The following APBB2 variants were observed in gnomAD, a reference collection of about 807,000 sequenced individuals.
APBB2 encodes Fe65-like 1.
Under a neutral mutation model 82.5 loss-of-function variants are expected in APBB2, and 38 were observed. The observed-to-expected ratio is 0.46, with a 90% confidence interval of 0.36 to 0.60. The LOEUF (loss-of-function observed/expected upper bound fraction) is 0.60, where lower values mean the gene tolerates loss of function less well. Among genes scored for constraint, APBB2 ranks in the 20% least tolerant of loss-of-function variants. The pLI is 0.00. For synonymous variants in APBB2, 341 were observed against 368.2 expected (o/e 0.93, Z 0.85); for missense variants, 772 against 972.3 (o/e 0.79, Z 2.74).
intron 10 of APBB2, among the ~76,000 whole-genome samples, chr4:40,905,678 G>T (rs902397444): frequency 1.3e-5 from 2 of 152,210 alleles, no homozygotes; most frequent in African/African-American, 4.8e-5. Flanking sequence ...AACCACTGAT[G>T]TGCTGGAGAG....
At chr4:41,171,967 G>A (rs1768397761) in intron 1 of APBB2, among the ~76,000 whole-genome samples, 1 of 152,212 alleles carries the variant, frequency 6.6e-6, no homozygotes, top group Non-Finnish European at 1.5e-5. Context: ...GGGCATGGTG[G>A]CAGAAGCCTG....
rs762343581 is a variant in APBB2 at position 41,079,842 on chromosome 4, C to T, written c.-148-14169G>A. On this transcript the variant is annotated intron_variant, in intron 3 of 17. Coordinates refer to ENST00000508593, the MANE Select transcript of APBB2 (RefSeq NM_004307.2). ...GATTACAGGCGTAAACCACCGCGAC[C>T]GGCCAGCTCACCTATTCTTTATATT... Among the ~76,000 whole-genome samples, 27 of 152,270 alleles carry T rather than the reference C, an allele frequency of 1.8e-4. 1 individual carries two copies. Among genetic ancestry groups the T allele is most frequent in the African/African-American group, 6.0e-4 (25 of 41,568 alleles).
In APBB2 at chr4:40,934,445, T is replaced by A. The variant is rs375220587; in HGVS notation, c.1254+11A>T. On this transcript the variant is annotated intron_variant, in intron 10 of 17. Coordinates refer to ENST00000508593, the MANE Select transcript of APBB2 (RefSeq NM_004307.2). ...ATATAACCTGGTGGCTGAAAGCAAG[T>A]CTTTACAAACCTTGGCTTCTGGGTC... 1.9e-6 allele frequency: 3 copies of A among 1,613,052 alleles called. No homozygotes were observed. The highest frequency in any genetic ancestry group is 2.5e-6 in the Non-Finnish European group (3 of 1,179,116).
chr4:40,991,799 C>G (rs1368285071), intron 6 of APBB2, among the ~76,000 whole-genome samples: 1 of 152,152 alleles, frequency 6.6e-6, no homozygotes. Context: ...TTAGAACCTT[C>G]AGACCCCAGA....
At chr4:41,178,451 C>T (rs1005179854) in intron 1 of APBB2, among the ~76,000 whole-genome samples, 1 of 152,178 alleles carries the variant, frequency 6.6e-6, no homozygotes, top group South Asian at 2.1e-4. Flanking sequence ...ATGTAATTCT[C>T]TATTTGAGTG....
chr4:41,059,276 C>T (rs1728909930), intron 4 of APBB2, among the ~76,000 whole-genome samples: 1 of 152,220 alleles, frequency 6.6e-6, no homozygotes, highest in Non-Finnish European at 1.5e-5. Flanking sequence ...GCCTGGCCAA[C>T]ATGGTGAAAA....
At chr4:40,900,461 T>TG (rs1282854377) in intron 10 of APBB2, among the ~76,000 whole-genome samples, 3 of 150,580 alleles carry the variant, frequency 2.0e-5, no homozygotes, top group Non-Finnish European at 3.0e-5. Context: ...GAGGTTTTTT[T>TG]TTTTTTTTTT....
At chr4:41,114,411 C>T (rs1750255216) in intron 2 of APBB2, among the ~76,000 whole-genome samples, 1 of 150,320 alleles carries the variant, frequency 6.7e-6, no homozygotes, top group South Asian at 2.1e-4. Context: ...AAAACTGGCA[C>T]AAGACAAGGA....
At chr4:41,141,177 G>A (rs530897701) in intron 2 of APBB2, among the ~76,000 whole-genome samples, 1 of 152,158 alleles carries the variant, frequency 6.6e-6, no homozygotes, top group Non-Finnish European at 1.5e-5. Context: ...ACTCCTAGAA[G>A]GTACCACCAA....
chr4:41,207,176 G>A (rs1250433153), intron 1 of APBB2, among the ~76,000 whole-genome samples: 1 of 140,404 alleles, frequency 7.1e-6, no homozygotes, highest in Non-Finnish European at 1.5e-5. Flanking sequence ...TCCAGCCTGG[G>A]CGACCAAGTG....
intron 2 of APBB2, among the ~76,000 whole-genome samples, chr4:41,130,269 A>T (rs1434495516): frequency 3.9e-5 from 6 of 152,218 alleles, no homozygotes; most frequent in Non-Finnish European, 5.9e-5. Flanking sequence ...GAAGGGTCTA[A>T]GCTGCAGCTT....
chr4:41,046,252 C>T (rs1393188370), intron 4 of APBB2, among the ~76,000 whole-genome samples: 2 of 152,172 alleles, frequency 1.3e-5, no homozygotes, highest in Non-Finnish European at 2.9e-5. Context: ...ACAGATTTTA[C>T]TCTATAGCTC....
intron 2 of APBB2, among the ~76,000 whole-genome samples, chr4:41,116,772 C>A (rs4861374): frequency 6.6e-6 from 1 of 152,012 alleles, no homozygotes; most frequent in Non-Finnish European, 1.5e-5. Context: ...TTGTACTGTT[C>A]TTTTTTCTAT....
chr4:41,099,632 A>C (rs1744681008), intron 3 of APBB2, among the ~76,000 whole-genome samples: 1 of 152,230 alleles, frequency 6.6e-6, no homozygotes, highest in Non-Finnish European at 1.5e-5. Flanking sequence ...CAACAGAGCT[A>C]TAAAATCCGA....
At chr4:41,180,581 G>A (rs10010459) in intron 1 of APBB2, among the ~76,000 whole-genome samples, 45,651 of 152,036 alleles carry the variant, frequency 0.3, 6,933 homozygotes, top group African/African-American at 0.33. Context: ...CCAGGAGGTC[G>A]AGGCTGCAGT....
chr4:41,173,489 A>G (rs1442666374), intron 1 of APBB2, among the ~76,000 whole-genome samples: 2 of 152,208 alleles, frequency 1.3e-5, no homozygotes, highest in Non-Finnish European at 2.9e-5. Flanking sequence ...GCAGAAAACT[A>G]TACTTCAGAG....
intron 6 of APBB2, among the ~76,000 whole-genome samples, chr4:40,981,479 G>A (rs1015799385): frequency 9.9e-5 from 15 of 152,134 alleles, no homozygotes; most frequent in Admixed American, 1.3e-4. Flanking sequence ...AATCAGTGTT[G>A]TTACATTTTC....
chr4:40,992,903 G>A (rs1306817576), intron 6 of APBB2, among the ~76,000 whole-genome samples: 1 of 152,198 alleles, frequency 6.6e-6, no homozygotes, highest in East Asian at 1.9e-4. Flanking sequence ...CTGTCTTCCT[G>A]CCTACTTGTT....
chr4:40,995,490 G>C (rs1371733507), intron 6 of APBB2, among the ~76,000 whole-genome samples: 1 of 151,558 alleles, frequency 6.6e-6, no homozygotes, highest in East Asian at 1.9e-4. Flanking sequence ...TTAGCATCCT[G>C]AGTAGCTGGG....
Sources: gnomAD v4.1 joint callset for allele counts (sites outside exome capture counted in the v4.1 genomes callset) on GRCh38, gnomAD v4.1.1 for gene constraint, MANE v1.5 for transcripts, NCBI Gene and HGNC (gene_info 2026-07-23, HGNC 2026-07-21) for gene names.